Variants in TMEM132B observed in about 807,000 individuals in gnomAD.
TMEM132B encodes the protein transmembrane protein 132B.
A neutral mutation model predicts 90.8 loss-of-function variants in TMEM132B; 18 were observed. The ratio of observed to expected loss-of-function variants is 0.20; its 90% CI spans 0.14 to 0.29. The LOEUF (loss-of-function observed/expected upper bound fraction) is 0.29, where lower values mean the gene tolerates loss of function less well. Ranked by LOEUF, TMEM132B falls within the 10% of genes least tolerant of loss-of-function variation. The pLI is 1.00. For missense variants in TMEM132B, 1,096 were observed against 1,326.8 expected (o/e 0.83, Z 2.70); for synonymous variants, 504 against 523.3 (o/e 0.96, Z 0.50).
intron 4 of TMEM132B, among the ~76,000 whole-genome samples, chr12:125,582,876 G>A (rs1885087048): frequency 1.3e-5 from 2 of 152,198 alleles, no homozygotes; most frequent in Admixed American, 6.5e-5. Flanking sequence ...GGTAGATGCT[G>A]TTGATGGGAT....
At chr12:125,573,874 T>C (rs1463363521) in intron 4 of TMEM132B, among the ~76,000 whole-genome samples, 3 of 152,320 alleles carry the variant, frequency 2.0e-5, no homozygotes, top group African/African-American at 7.2e-5. Context: ...TTTAATGCCA[T>C]CCTTATGAAT....
In TMEM132B at chr12:125,445,774, C is replaced by T. The variant is rs186378342; in HGVS notation, c.1106+30097C>T. ...CTCTGCTTACCCCACCAGCCTGCAC[C>T]GCGGAGAGTTGGCTCCTTTGACTTG... On this transcript the variant is annotated intron_variant, in intron 3 of 8. Transcript: ENST00000682704. This position sits in a 1 kb window ranked among gnomAD's most constrained non-coding sequence, Gnocchi z 4.3. 3.0e-4 allele frequency among the ~76,000 whole-genome samples: 46 copies of T among 152,294 alleles called. No individual in the cohort carries two copies. Among genetic ancestry groups the T allele is most frequent in the East Asian group, 2.1e-3 (11 of 5,174 alleles).
At chr12:125,473,036 A>G (rs1158744940) in intron 3 of TMEM132B, among the ~76,000 whole-genome samples, 1 of 152,200 alleles carries the variant, frequency 6.6e-6, no homozygotes, top group Non-Finnish European at 1.5e-5. Flanking sequence ...AGTGAATGCC[A>G]GCTGCTCCAC....
intron 6 of TMEM132B, among the ~76,000 whole-genome samples, chr12:125,644,537 T>C (rs1416206820): frequency 6.6e-6 from 1 of 152,184 alleles, no homozygotes; most frequent in Non-Finnish European, 1.5e-5. Flanking sequence ...GTAAAACGAA[T>C]GCAATACATA....
rs182348522 is a variant in TMEM132B at position 125,661,169 on chromosome 12, A to G, written c.*6459A>G. 3 of 152,328 alleles carry G rather than the reference A, an allele frequency of 2.0e-5. No homozygotes were observed. In the East Asian group the frequency reaches 5.8e-4, roughly 29 times the overall value. 9.4% of individuals were successfully genotyped at this position (152,328 alleles called of 1,614,324 possible). A position where few individuals can be genotyped will look rare whatever the true frequency, so the allele number is the denominator to read the frequency against. On this transcript the variant is annotated 3_prime_UTR_variant, in exon 9 of 9. Coordinates refer to ENST00000682704, the MANE Select transcript of TMEM132B (RefSeq NM_001366854.1). Reference sequence around the variant, plus strand: ...AGAATTTGACTTTCTGAATGAAATAACAGAATGCCAGTGTCAACACTGACC... The same window carrying G: ...AGAATTTGACTTTCTGAATGAAATAGCAGAATGCCAGTGTCAACACTGACC...
intron 5 of TMEM132B, among the ~76,000 whole-genome samples, chr12:125,604,522 G>A (rs1885645107): frequency 6.6e-6 from 1 of 152,140 alleles, no homozygotes. Flanking sequence ...TAGATGACAG[G>A]TTGATAGGTG....
At chr12:125,558,566 T>C (rs1340129994) in intron 4 of TMEM132B, among the ~76,000 whole-genome samples, 1 of 152,186 alleles carries the variant, frequency 6.6e-6, no homozygotes, top group Non-Finnish European at 1.5e-5. Flanking sequence ...TAGAAAACCT[T>C]TATATCACTT....
intron 1 of TMEM132B, among the ~76,000 whole-genome samples, chr12:125,340,583 T>C (rs1170558134): frequency 6.6e-6 from 1 of 152,192 alleles, no homozygotes; most frequent in African/African-American, 2.4e-5. Context: ...TCAAATTGTG[T>C]GCATTTGCCT....
At position 125,519,469 on chromosome 12, in the gene TMEM132B, A is replaced by G. The variant is rs1198795141; in HGVS notation, c.1137A>G (p.Gln379=). ...ATGGATCCTTCTATGAGATCTTGCA[A>G]GTGGACTTTGGAATTGATAATAGCA... ...RVNGSFYEIL[Q]VDFGIDNSSD... Residue 379 remains glutamine (Q), a synonymous_variant, in exon 4 of 9, where the codon CAA becomes CAG. Coordinates refer to ENST00000682704, the MANE Select transcript of TMEM132B (RefSeq NM_001366854.1). The G allele has an allele frequency of 1.2e-6, 2 of 1,613,174 alleles. No homozygotes were observed. The highest frequency in any genetic ancestry group is 2.2e-5 in the East Asian group (1 of 44,864).
At position 125,506,112 on chromosome 12, in the gene TMEM132B, G is replaced by T. The variant is rs1411109050; in HGVS notation, c.1107-13327G>T. ...TTTCAGTCTAGCCAAGAACTGGAAAGAACTCAAGTGTGCATTAACTGATGA... is the reference window on the plus strand; with the variant it reads ...TTTCAGTCTAGCCAAGAACTGGAAATAACTCAAGTGTGCATTAACTGATGA... On this transcript the variant is annotated intron_variant, in intron 3 of 8. Coordinates refer to ENST00000682704, the MANE Select transcript of TMEM132B (RefSeq NM_001366854.1). Among the ~76,000 whole-genome samples, 4 of 152,300 alleles carry T rather than the reference G, an allele frequency of 2.6e-5. No individual in the cohort carries two copies. In the East Asian group the frequency reaches 7.7e-4, roughly 29 times the overall value.
intron 2 of TMEM132B, among the ~76,000 whole-genome samples, chr12:125,395,438 T>A (rs1055490228): frequency 1.3e-5 from 2 of 152,236 alleles, no homozygotes; most frequent in Non-Finnish European, 2.9e-5. Context: ...ACCAAAGTGA[T>A]GGATATGACA....
chr12:125,202,245 T>G (rs892986166), intron 1 of TMEM132B, among the ~76,000 whole-genome samples: 8 of 152,240 alleles, frequency 5.3e-5, no homozygotes, highest in African/African-American at 1.9e-4. Flanking sequence ...TCTGTTAGGA[T>G]GTGAGCCTAG....
rs190565305 is a variant in TMEM132B, at chr12:125,513,195, A to G, written c.1107-6244A>G. Reference sequence around the variant, plus strand: ...ACATGCTCCTCTGAGACCCGCTCAAACTGTGTTTAACACTCTTCATTCATT... The same window carrying G: ...ACATGCTCCTCTGAGACCCGCTCAAGCTGTGTTTAACACTCTTCATTCATT... On this transcript the variant is annotated intron_variant, in intron 3 of 8. Transcript: ENST00000682704. 9.2e-5 allele frequency among the ~76,000 whole-genome samples: 14 copies of G among 151,714 alleles called. No homozygotes were observed. In the East Asian group the frequency reaches 2.1e-3, roughly 23 times the overall value.
At chr12:125,505,775 A>G (rs1882831920) in intron 3 of TMEM132B, among the ~76,000 whole-genome samples, 1 of 152,208 alleles carries the variant, frequency 6.6e-6, no homozygotes, top group South Asian at 2.1e-4. Context: ...GTGAACTTTA[A>G]GACAGACCAA....
chr12:125,535,180 A>G (rs10459109), intron 4 of TMEM132B, among the ~76,000 whole-genome samples: 17,939 of 152,286 alleles, frequency 0.12, 1,548 homozygotes, highest in East Asian at 0.47. Flanking sequence ...TTCATATTCT[A>G]TAACAGGCAT....
chr12:125,292,686 C>G (rs1177976945), intron 1 of TMEM132B, among the ~76,000 whole-genome samples: 1 of 152,230 alleles, frequency 6.6e-6, no homozygotes, highest in Non-Finnish European at 1.5e-5. Context: ...TGGCCTCTTT[C>G]TCTGGCTACC....
At chr12:125,462,817 C>T (rs1881474409) in intron 3 of TMEM132B, among the ~76,000 whole-genome samples, 1 of 152,212 alleles carries the variant, frequency 6.6e-6, no homozygotes, top group African/African-American at 2.4e-5. Flanking sequence ...CCACAAGCAG[C>T]AACCTGTGAA....
intron 3 of TMEM132B, among the ~76,000 whole-genome samples, chr12:125,504,434 C>A (rs1175584221): frequency 6.6e-6 from 1 of 151,908 alleles, no homozygotes; most frequent in Admixed American, 6.6e-5. Flanking sequence ...CTCAGAGGTG[C>A]CATGTGTTTT....
chr12:125,483,078 C>T (rs940014711), intron 3 of TMEM132B, among the ~76,000 whole-genome samples: 52 of 147,354 alleles, frequency 3.5e-4, no homozygotes, highest in African/African-American at 1.3e-3. Flanking sequence ...GGGAACATCA[C>T]ACACTGGGGC....
Sources: allele counts gnomAD v4.1 joint callset (sites outside exome capture counted in the v4.1 genomes callset), GRCh38; gene constraint gnomAD v4.1.1; non-coding constraint Gnocchi (gnomAD v3.1); transcripts MANE v1.5; gene names NCBI Gene and HGNC (gene_info 2026-07-23, HGNC 2026-07-21).